Variants in OSTF1 observed in about 807,000 individuals in gnomAD.
The protein encoded by OSTF1 is osteoclast-stimulating factor 1.
A neutral mutation model predicts 37.2 loss-of-function variants in OSTF1; 27 were observed. That is an observed-to-expected ratio of 0.73 (90% CI 0.54 to 1.00). The LOEUF is 1.00. OSTF1 is among the 50% of genes least tolerant of loss of function. The pLI is 0.00. For synonymous variants in OSTF1, 82 were observed against 89.2 expected (o/e 0.92, Z 0.46); for missense variants, 232 against 253.8 (o/e 0.91, Z 0.58).
chr9:75,133,254 C>A (rs1825792686), intron 5 of OSTF1, 40 bp from the exon 6 acceptor site: 1 of 1,261,148 alleles, frequency 7.9e-7, no homozygotes. Context: ...AAAGTGAAAG[C>A]TTTTTTTCTT....
intron 9 of OSTF1, 40 bp from the exon 10 acceptor site, chr9:75,146,643 A>G (rs1317310968): frequency 2.1e-6 from 3 of 1,397,326 alleles, no homozygotes; most frequent in East Asian, 4.6e-5. Context: ...AGCAGTTTAT[A>G]ATTTCCCTAT....
intron 1 of OSTF1, among the ~76,000 whole-genome samples, chr9:75,106,646 G>GA (rs555955744): frequency 0.24 from 17,247 of 72,058 alleles, 1,935 homozygotes; most frequent in Non-Finnish European, 0.28. Flanking sequence ...ATTCCATCTC[G>GA]AAAAAAAAAA....
At chr9:75,131,711 C>T (rs1825762779) in intron 4 of OSTF1, 59 bp from the exon 5 acceptor site, 1 of 1,298,768 alleles carries the variant, frequency 7.7e-7, no homozygotes. Context: ...TGAGTGGCTT[C>T]AGTAAATCAT....
At chr9:75,114,431 C>T (rs1020693509) in intron 1 of OSTF1, among the ~76,000 whole-genome samples, 7 of 152,220 alleles carry the variant, frequency 4.6e-5, no homozygotes, top group East Asian at 3.9e-4. Context: ...CCATTCTTCT[C>T]GTGCCCAGAA....
At chr9:75,144,096 A>G (rs137959530) in intron 9 of OSTF1, among the ~76,000 whole-genome samples, 3 of 152,256 alleles carry the variant, frequency 2.0e-5, no homozygotes, top group Non-Finnish European at 4.4e-5. Context: ...GCTTTAGCTT[A>G]GAAAGCTACA....
chr9:75,108,519 GATGATA>G (rs1825330495), intron 1 of OSTF1, among the ~76,000 whole-genome samples: 1 of 151,902 alleles, frequency 6.6e-6, no homozygotes, highest in African/African-American at 2.4e-5. Context: ...AATAATTAAT[GATGATA>G]ATGAGTCCGA....
At chr9:75,125,743 A>G (rs1056560171) in intron 2 of OSTF1, among the ~76,000 whole-genome samples, 2 of 152,236 alleles carry the variant, frequency 1.3e-5, no homozygotes, top group Non-Finnish European at 2.9e-5. Context: ...TGCTGATAAT[A>G]GCCTTCATTT....
chr9:75,120,657 T>G (rs1825565245), intron 2 of OSTF1, among the ~76,000 whole-genome samples: 1 of 152,182 alleles, frequency 6.6e-6, no homozygotes, highest in South Asian at 2.1e-4. Flanking sequence ...GCCTACAGAC[T>G]TAGCTCCTCC....
chr9:75,129,599 C>T (rs935301456), intron 3 of OSTF1, among the ~76,000 whole-genome samples: 2 of 152,114 alleles, frequency 1.3e-5, no homozygotes, highest in Non-Finnish European at 2.9e-5. Flanking sequence ...CTAATTAAAC[C>T]TCTAGAACTG....
intron 8 of OSTF1, among the ~76,000 whole-genome samples, chr9:75,138,040 T>G (rs1354681396): frequency 2.6e-5 from 4 of 152,192 alleles, no homozygotes; most frequent in African/African-American, 9.7e-5. Context: ...ATGTCCTGCT[T>G]TGAGCTGAGC....
intron 8 of OSTF1, among the ~76,000 whole-genome samples, chr9:75,137,911 A>G (rs1352696205): frequency 6.6e-6 from 1 of 152,198 alleles, no homozygotes; most frequent in Non-Finnish European, 1.5e-5. Context: ...GAAACAAAGA[A>G]TGTATGTGTA....
intron 2 of OSTF1, among the ~76,000 whole-genome samples, chr9:75,122,780 T>C (rs1825600426): frequency 6.6e-6 from 1 of 152,212 alleles, no homozygotes; most frequent in Non-Finnish European, 1.5e-5. Context: ...TTAGTTAATA[T>C]TTCTGAATGC....
At chr9:75,091,559 C>T (rs1824976365) in intron 1 of OSTF1, among the ~76,000 whole-genome samples, 1 of 152,190 alleles carries the variant, frequency 6.6e-6, no homozygotes, top group African/African-American at 2.4e-5. Flanking sequence ...TGGAGCTTTA[C>T]TTTCTTGTCC....
In OSTF1 at chr9:75,146,816, T is replaced by C; in HGVS notation, c.*75T>C. On this transcript the variant is annotated 3_prime_UTR_variant, in exon 10 of 10. Coordinates refer to ENST00000346234, the MANE Select transcript of OSTF1 (RefSeq NM_012383.5). ...CAAAACTTTGTCTTTGCCAGAAAAG[T>C]GTTGGTAACTATAAAGAAAATTATA... is the stretch of plus-strand genomic sequence containing the variant. 1 of 1,052,528 alleles carries C rather than the reference T, an allele frequency of 9.5e-7. No homozygotes were observed. The highest frequency in any genetic ancestry group is 2.1e-5 in the Admixed American group (1 of 47,454). 65.2% of individuals were successfully genotyped at this position (1,052,528 alleles called of 1,614,324 possible). A position where few individuals can be genotyped will look rare whatever the true frequency, so the allele number is the denominator to read the frequency against.
At chr9:75,126,053 G>A (rs1345449943) in intron 2 of OSTF1, among the ~76,000 whole-genome samples, 1 of 152,108 alleles carries the variant, frequency 6.6e-6, no homozygotes, top group Non-Finnish European at 1.5e-5. Flanking sequence ...GGGATTATAA[G>A]TGTGCACCAC....
chr9:75,106,320 G>A (rs1434850921), intron 1 of OSTF1, among the ~76,000 whole-genome samples: 1 of 152,166 alleles, frequency 6.6e-6, no homozygotes. Context: ...TCTTTCCAAG[G>A]ATTATAGCCT....
chr9:75,124,633 A>G (rs569366536), intron 2 of OSTF1, among the ~76,000 whole-genome samples: 78 of 152,238 alleles, frequency 5.1e-4, no homozygotes, highest in African/African-American at 1.7e-3. Flanking sequence ...GTTCTAAAAC[A>G]TTTTCATCAT....
chr9:75,105,181 A>C (rs774524166), intron 1 of OSTF1, among the ~76,000 whole-genome samples: 17 of 152,134 alleles, frequency 1.1e-4, no homozygotes, highest in Non-Finnish European at 2.1e-4. Flanking sequence ...CATGACCCAG[A>C]TTGGTTTTGG....
chr9:75,126,340 C>T (rs558314851), intron 2 of OSTF1, among the ~76,000 whole-genome samples: 3 of 152,186 alleles, frequency 2.0e-5, no homozygotes, highest in Admixed American at 6.5e-5. Flanking sequence ...AACACATGCT[C>T]ATGACAGAAT....
Sources: gnomAD v4.1 joint callset for allele counts (sites outside exome capture counted in the v4.1 genomes callset) on GRCh38, gnomAD v4.1.1 for gene constraint, MANE v1.5 for transcripts, NCBI Gene and HGNC (gene_info 2026-07-23, HGNC 2026-07-21) for gene names.